The following CAMSAP1 variants were observed in gnomAD, a reference collection of about 807,000 sequenced individuals.
CAMSAP1 encodes the protein calmodulin-regulated spectrin-associated protein 1.
Under a neutral mutation model 143.5 loss-of-function variants are expected in CAMSAP1, and 58 were observed. That is an observed-to-expected ratio of 0.40 (90% CI 0.33 to 0.50). The LOEUF is 0.50. CAMSAP1 is among the 20% of genes least tolerant of loss of function. The probability of loss-of-function intolerance (pLI) is 0.45; values close to 1 mark genes in which losing one functional copy is unlikely to be tolerated. For synonymous variants in CAMSAP1, 945 were observed against 859.3 expected (o/e 1.10, Z -1.74); for missense variants, 1,969 against 2,115.7 (o/e 0.93, Z 1.36).
chr9:135,851,890 G>A (rs1346296192), intron 5 of CAMSAP1, among the ~76,000 whole-genome samples: 1 of 152,204 alleles, frequency 6.6e-6, no homozygotes, highest in Non-Finnish European at 1.5e-5. Context: ...GGCATACTCT[G>A]AGAGGGGACT....
chr9:135,881,264 G>A (rs1396015119), intron 3 of CAMSAP1, among the ~76,000 whole-genome samples: 1 of 151,988 alleles, frequency 6.6e-6, no homozygotes, highest in African/African-American at 2.4e-5. Context: ...GGCTGAGGCA[G>A]GAGGATCACT....
At chr9:135,835,048 T>C (rs1158577442) in intron 7 of CAMSAP1, among the ~76,000 whole-genome samples, 1 of 151,890 alleles carries the variant, frequency 6.6e-6, no homozygotes, top group East Asian at 2.0e-4. Context: ...GGCTGTGAAG[T>C]GCTGGACTCT....
rs780637844 is a variant in CAMSAP1 at position 135,820,393 on chromosome 9, T to A, written c.3822+446A>T. 6.6e-6 allele frequency among the ~76,000 whole-genome samples: 1 copy of A among 152,036 alleles called. No homozygotes were observed. Among genetic ancestry groups the A allele is most frequent in the Non-Finnish European group, 1.5e-5 (1 of 68,000 alleles). On this transcript the variant is annotated intron_variant, in intron 11 of 16. Transcript: ENST00000389532. The surrounding 1 kb of genome is among the most constrained non-coding windows in gnomAD (Gnocchi z 4.4). ...TAAGGAAAAAATTACAAGAAAAACA[T>A]ACAAAAAATGTTTTTTGAAGTTGCT...
At chr9:135,877,633 C>T (rs1240586455) in intron 3 of CAMSAP1, among the ~76,000 whole-genome samples, 1 of 151,956 alleles carries the variant, frequency 6.6e-6, no homozygotes, top group African/African-American at 2.4e-5. Context: ...TAGTAAGACC[C>T]CATCTCTAAT....
chr9:135,895,051 A>G (rs1456694951), intron 1 of CAMSAP1, among the ~76,000 whole-genome samples: 1 of 152,210 alleles, frequency 6.6e-6, no homozygotes, highest in Non-Finnish European at 1.5e-5. Context: ...AATCTACCCA[A>G]TCTGAACAAC....
rs1554802289 is a variant in CAMSAP1, at chr9:135,907,420, C to CCGGGGG, written c.-267_-262dup. 0.014 allele frequency among the ~76,000 whole-genome samples: 2,109 copies of CCGGGGG among 145,950 alleles called. 57 individuals carry two copies. The highest frequency in any genetic ancestry group is 0.047 in the African/African-American group (1,925 of 40,812). ...AGAGGCGGCGGCAGGAGGGCGCGGG[C>CCGGGGG]CGGGGGCGGGGGCGGGCGCGGGGGC... On this transcript the variant is annotated 5_prime_UTR_variant, in exon 1 of 17. Coordinates refer to ENST00000389532, the MANE Select transcript of CAMSAP1 (RefSeq NM_015447.4).
At position 135,823,101 on chromosome 9, in the gene CAMSAP1, C is replaced by T. The variant is rs139496287; in HGVS notation, c.1560G>A (p.Thr520=). The T allele has an allele frequency of 6.0e-4, 963 of 1,613,978 alleles. 2 individuals carry two copies. The highest frequency in any genetic ancestry group is 1.1e-3 in the South Asian group (98 of 91,080). ...GGCTCTTCCCGTGGCTCTTCGTGGC[C>T]GTGGGGTGTGGCTGGTTCTGTGGGG... ...NLTPQNQPHP[T]ATKSHGKSLL... is the part of the protein sequence containing the mutation. Residue 520 remains threonine (T), a synonymous_variant, in exon 11 of 17, where the codon ACG becomes ACA. Transcript: ENST00000389532.
chr9:135,860,799 T>C (rs1171084925), intron 5 of CAMSAP1, among the ~76,000 whole-genome samples: 1 of 152,086 alleles, frequency 6.6e-6, no homozygotes, highest in Non-Finnish European at 1.5e-5. Flanking sequence ...TTTCCCTGCG[T>C]GGTTTCTGAT....
intron 3 of CAMSAP1, among the ~76,000 whole-genome samples, chr9:135,875,038 T>C (rs903503650): frequency 3.9e-5 from 6 of 152,126 alleles, no homozygotes; most frequent in African/African-American, 1.2e-4. Context: ...CGGAGAGAGA[T>C]AAGCATGTCT....
rs1835065024 is a variant in CAMSAP1 at position 135,811,855 on chromosome 9, G to A, written c.4507-244C>T. On this transcript the variant is annotated intron_variant, in intron 16 of 16. Transcript: ENST00000389532. This position sits in a 1 kb window ranked among gnomAD's most constrained non-coding sequence, Gnocchi z 4.9. Reference sequence around the variant, plus strand: ...AAAAGAATGCTTTTACGATTAAATGGAAAAGCATATGAAAAGATGCTCATC... The same window carrying A: ...AAAAGAATGCTTTTACGATTAAATGAAAAAGCATATGAAAAGATGCTCATC... Among the ~76,000 whole-genome samples the A allele has an allele frequency of 6.6e-6, 1 of 152,216 alleles. No individual in the cohort carries two copies. Among genetic ancestry groups the A allele is most frequent in the Admixed American group, 6.5e-5 (1 of 15,288 alleles).
rs1835046841 is a variant in CAMSAP1, at chr9:135,811,457, T to C, written c.4661A>G (p.Lys1554Arg). 1.9e-6 allele frequency: 3 copies of C among 1,612,216 alleles called. No homozygotes were observed. The highest frequency in any genetic ancestry group is 1.3e-5 in the African/African-American group (1 of 74,920). ...PKNITKKMID[K>R]LYKYSSDRKQ... Reference sequence around the variant, plus strand: ...TCGGTCTGAGCTGTATTTATACAGTTTGTCGATCATTTTCTTGGTGATGTT... The same window carrying C: ...TCGGTCTGAGCTGTATTTATACAGTCTGTCGATCATTTTCTTGGTGATGTT... Residue 1554 changes from lysine (K) to arginine (R), a missense_variant, in exon 17 of 17, where the codon AAA becomes AGA. This residue lies in a region of CAMSAP1 where 143 missense variants were observed against 200.6 expected (regional missense o/e 0.71). Transcript: ENST00000389532. The surrounding 1 kb of genome is among the most constrained non-coding windows in gnomAD (Gnocchi z 4.9).
rs1838811327 is a variant in CAMSAP1 at position 135,907,182 on chromosome 9, G to A, written c.-23C>T. 1 of 1,073,282 alleles carries A rather than the reference G, an allele frequency of 9.3e-7. No homozygotes were observed. Among genetic ancestry groups the A allele is most frequent in the Non-Finnish European group, 1.1e-6 (1 of 886,438 alleles). The allele number at this position is 1,073,282 out of a possible 1,614,324, so 66.5% of individuals were successfully genotyped here. On this transcript the variant is annotated 5_prime_UTR_variant, in exon 1 of 17. Coordinates refer to ENST00000389532, the MANE Select transcript of CAMSAP1 (RefSeq NM_015447.4). ...CATCTGCAGACAAAGGGCTGAGGCGGCGGCCCGGCCGCAACAAAGGCGCCG... is the reference window on the plus strand; with the variant it reads ...CATCTGCAGACAAAGGGCTGAGGCGACGGCCCGGCCGCAACAAAGGCGCCG...
chr9:135,821,385 C>T lies in CAMSAP1; in HGVS notation c.3276G>A (p.Arg1092=), dbSNP rs369772348. 1.5e-4 allele frequency: 240 copies of T among 1,613,664 alleles called. No individual in the cohort carries two copies. Among genetic ancestry groups the T allele is most frequent in the Non-Finnish European group, 2.0e-4 (235 of 1,179,800 alleles). Residue 1092 remains arginine, a synonymous_variant, in exon 11 of 17, where the codon CGG becomes CGA. Transcript: ENST00000389532. The surrounding 1 kb of genome is among the most constrained non-coding windows in gnomAD (Gnocchi z 4.6). ...AACGGGAATTCCGGCCTTGACCCAG[C>T]CGGGGGGCTTTGCGGTGGCCAGCCA... is the stretch of plus-strand genomic sequence containing the variant. The part of the protein sequence containing the change: ...TGVAGHRKAP[R]LGQGRNSRSG...
rs561115609 is a variant in CAMSAP1, at chr9:135,850,459, T to C, written c.811A>G (p.Ile271Val). 1.1e-5 allele frequency: 17 copies of C among 1,563,418 alleles called. No individual in the cohort carries two copies. In the South Asian group the frequency reaches 1.9e-4, roughly 18 times the overall value. Residue 271 changes from isoleucine to valine, a missense_variant and splice_region_variant, in exon 6 of 17, where the codon ATA (isoleucine) becomes GTA (valine). Ile to Val is a conservative substitution (Grantham distance 29, BLOSUM62 3). This residue lies in a region of CAMSAP1 where 221 missense variants were observed against 298.2 expected (regional missense o/e 0.74). Coordinates refer to ENST00000389532, the MANE Select transcript of CAMSAP1 (RefSeq NM_015447.4). ...ATCGACGTTACCTCCTTTAAGCATA[T>C]ATCTAATAGACAAAAAGAAAATCAC... ...YCPEQMKLDD[I>V]CLKEVTSMAD...
chr9:135,901,254 C>G (rs999085966), intron 1 of CAMSAP1, among the ~76,000 whole-genome samples: 1 of 152,220 alleles, frequency 6.6e-6, no homozygotes, highest in African/African-American at 2.4e-5. Context: ...GCTTGTATAT[C>G]TGTTGGCTCT....
intron 1 of CAMSAP1, among the ~76,000 whole-genome samples, chr9:135,904,875 G>A (rs763272365): frequency 1.3e-5 from 2 of 151,928 alleles, no homozygotes; most frequent in Non-Finnish European, 1.5e-5. Flanking sequence ...TGAGGCAGAA[G>A]AATCGCTTGA....
chr9:135,857,183 C>T (rs547873964), intron 5 of CAMSAP1, among the ~76,000 whole-genome samples: 5 of 152,348 alleles, frequency 3.3e-5, no homozygotes, highest in African/African-American at 1.2e-4. Context: ...CTACTTACCA[C>T]GCATGTCCTT....
intron 5 of CAMSAP1, 94 bp from the exon 6 acceptor site, chr9:135,850,555 G>A: frequency 1.0e-6 from 1 of 989,400 alleles, no homozygotes; most frequent in South Asian, 1.8e-5. Context: ...TTTACATAAA[G>A]GTAGTAATGA....
chr9:135,816,221 AAGAC>A (rs940301587), intron 14 of CAMSAP1, among the ~76,000 whole-genome samples: 12 of 152,238 alleles, frequency 7.9e-5, no homozygotes, highest in African/African-American at 2.4e-4. Flanking sequence ...GGGAGTGATG[AAGAC>A]AGACAGAGGG....
Sources: allele counts gnomAD v4.1 joint callset (sites outside exome capture counted in the v4.1 genomes callset), GRCh38; gene constraint gnomAD v4.1.1; regional missense constraint gnomAD v4.1.1; non-coding constraint Gnocchi (gnomAD v3.1); transcripts MANE v1.5; gene names NCBI Gene and HGNC (gene_info 2026-07-23, HGNC 2026-07-21).